The following TRAPPC6B variants were observed in gnomAD, a reference collection of about 807,000 sequenced individuals.
The protein encoded by TRAPPC6B is TRAPP complex subunit 6B.
Under a neutral mutation model 24.7 loss-of-function variants are expected in TRAPPC6B, and 27 were observed. The observed-to-expected ratio is 1.09, with a 90% CI of 0.81 to 1.51. The LOEUF (loss-of-function observed/expected upper bound fraction) is 1.51. TRAPPC6B is among the 40% of genes most tolerant of loss of function. The pLI, the probability that TRAPPC6B is intolerant of heterozygous loss-of-function variation, is 0.00. For missense variants in TRAPPC6B, 212 were observed against 190.8 expected (o/e 1.11, Z -0.66); for synonymous variants, 80 against 66.6 (o/e 1.20, Z -0.98).
At chr14:39,167,866 C>T (rs1594547044) in intron 1 of TRAPPC6B, among the ~76,000 whole-genome samples, 1 of 132,240 alleles carries the variant, frequency 7.6e-6, no homozygotes, top group Admixed American at 7.6e-5. Flanking sequence ...AGGATTAACC[C>T]ACGGGAAAAA....
Position 39,150,208 on chromosome 14 carries a change from T to G in TRAPPC6B, c.*142A>C. 1 of 714,738 alleles carries G rather than the reference T, an allele frequency of 1.4e-6. No homozygotes were observed. Among genetic ancestry groups the G allele is most frequent in the South Asian group, 1.8e-5 (1 of 55,094 alleles). The allele number at this position is 714,738 out of a possible 1,614,324, so 44.3% of individuals were successfully genotyped here. Reference sequence around the variant, plus strand: ...ATGGCAGAATGTCCCTTCATCTCCTTTGATCTGTGTTAAATTGATAAAAAT... The same window carrying G: ...ATGGCAGAATGTCCCTTCATCTCCTGTGATCTGTGTTAAATTGATAAAAAT... On this transcript the variant is annotated 3_prime_UTR_variant, in exon 6 of 6. Coordinates refer to ENST00000330149, the MANE Select transcript of TRAPPC6B (RefSeq NM_001079537.2).
intron 3 of TRAPPC6B, among the ~76,000 whole-genome samples, chr14:39,155,193 G>A (rs1435321967): frequency 6.6e-6 from 1 of 151,824 alleles, no homozygotes; most frequent in Non-Finnish European, 1.5e-5. Context: ...GCCTCCCAAA[G>A]TGCTGAAATT....
intron 1 of TRAPPC6B, among the ~76,000 whole-genome samples, chr14:39,167,709 T>C (rs925527894): frequency 4.0e-5 from 6 of 151,762 alleles, no homozygotes; most frequent in South Asian, 2.1e-4. Context: ...CTTTCAATTT[T>C]CCCCCCCATC....
chr14:39,151,414 T>C (rs1424618759), intron 5 of TRAPPC6B, among the ~76,000 whole-genome samples: 1 of 96,550 alleles, frequency 1.0e-5, no homozygotes, highest in African/African-American at 4.1e-5. Context: ...AAAAAAAAAA[T>C]AGCATTTTCA....
chr14:39,151,912 T>C (rs907711363), intron 4 of TRAPPC6B, 73 bp from the exon 5 acceptor site: 24 of 1,006,426 alleles, frequency 2.4e-5, no homozygotes, highest in Middle Eastern at 4.8e-4. Context: ...AATACAACAT[T>C]ACATGATTTA....
chr14:39,165,454 C>T (rs2053098730), intron 1 of TRAPPC6B, among the ~76,000 whole-genome samples: 1 of 152,118 alleles, frequency 6.6e-6, no homozygotes, highest in Non-Finnish European at 1.5e-5. Flanking sequence ...TATTACTGTA[C>T]GTATCACTAT....
chr14:39,156,870 G>A (rs1171340340), intron 3 of TRAPPC6B: 1 of 152,776 alleles, frequency 6.5e-6, no homozygotes, highest in Non-Finnish European at 1.5e-5. Flanking sequence ...CAGCACATTG[G>A]GAGGCCGAGA....
At chr14:39,168,212 A>G (rs2053127259) in intron 1 of TRAPPC6B, among the ~76,000 whole-genome samples, 1 of 102,502 alleles carries the variant, frequency 9.8e-6, no homozygotes. Flanking sequence ...ACAAAACTCC[A>G]TCTAAAAAAA....
chr14:39,168,393 G>C (rs1435696450), intron 1 of TRAPPC6B, among the ~76,000 whole-genome samples: 1 of 152,068 alleles, frequency 6.6e-6, no homozygotes, highest in African/African-American at 2.4e-5. Flanking sequence ...AGTAAACCTT[G>C]AGGTCAATAA....
At chr14:39,168,215 TAA>T (rs5808024) in intron 1 of TRAPPC6B, among the ~76,000 whole-genome samples, 13,154 of 124,764 alleles carry the variant, frequency 0.11, 806 homozygotes, top group East Asian at 0.34. Flanking sequence ...AAACTCCATC[TAA>T]AAAAAAAAAA....
chr14:39,154,407 C>G (rs2052952248), intron 3 of TRAPPC6B, 113 bp from the exon 4 acceptor site: 1 of 681,046 alleles, frequency 1.5e-6, no homozygotes, highest in African/African-American at 1.8e-5. Flanking sequence ...AAGTCTCCTT[C>G]CCATTGGCCA....
At chr14:39,158,886 CATT>C (rs1191049935) in intron 2 of TRAPPC6B, 1 of 152,594 alleles carries the variant, frequency 6.6e-6, no homozygotes, top group Non-Finnish European at 1.5e-5. Context: ...AATGGATTCA[CATT>C]ATGTTATATA....
At chr14:39,151,669 C>A in intron 5 of TRAPPC6B, 77 bp downstream of exon 5, 1 of 1,055,148 alleles carries the variant, frequency 9.5e-7, no homozygotes, top group Non-Finnish European at 1.4e-6. Context: ...TAAATTTCCT[C>A]TCAGTTAAAT....
At chr14:39,168,902 C>T (rs891563522) in intron 1 of TRAPPC6B, among the ~76,000 whole-genome samples, 6 of 152,174 alleles carry the variant, frequency 3.9e-5, no homozygotes, top group South Asian at 2.1e-4. Flanking sequence ...TGCAAATGGT[C>T]CACATCATTC....
rs1440593352 is a variant in TRAPPC6B, at chr14:39,148,238, C to T, written c.*2112G>A. ...AAGCAGAAGAGGGATGCTGGCAAAT[C>T]CCTAACTTGTATCAATTGTTAAGAG... On this transcript the variant is annotated 3_prime_UTR_variant, in exon 6 of 6. Transcript: ENST00000330149. 6.3e-6 allele frequency: 1 copy of T among 157,482 alleles called. No individual in the cohort carries two copies. Among genetic ancestry groups the T allele is most frequent in the African/African-American group, 2.4e-5 (1 of 41,742 alleles). The allele number at this position is 157,482 out of a possible 1,614,324, so 9.8% of individuals were successfully genotyped here.
chr14:39,169,934 G>A, intron 1 of TRAPPC6B, 81 bp downstream of exon 1: 2 of 1,436,686 alleles, frequency 1.4e-6, no homozygotes, highest in Admixed American at 1.7e-5. Flanking sequence ...GTGGCGATGG[G>A]ACAGGGGTTG....
chr14:39,169,424 T>G (rs4143954), intron 1 of TRAPPC6B, among the ~76,000 whole-genome samples: 33,065 of 152,148 alleles, frequency 0.22, 4,050 homozygotes, highest in Middle Eastern at 0.36. Context: ...ATTGTTTCAT[T>G]CACTACTATA....
chr14:39,151,618 A>G (rs957063907), intron 5 of TRAPPC6B, 128 bp downstream of exon 5: 5 of 656,928 alleles, frequency 7.6e-6, no homozygotes, highest in Non-Finnish European at 1.0e-5. Context: ...ACTACACTAA[A>G]GTGTTACATT....
intron 1 of TRAPPC6B, among the ~76,000 whole-genome samples, chr14:39,167,223 A>G (rs976426285): frequency 6.6e-6 from 1 of 152,216 alleles, no homozygotes; most frequent in East Asian, 1.9e-4. Context: ...TTCACCATAA[A>G]TTGAGAAATG....
Sources: gnomAD v4.1 joint callset for allele counts (sites outside exome capture counted in the v4.1 genomes callset) on GRCh38, gnomAD v4.1.1 for gene constraint, MANE v1.5 for transcripts, NCBI Gene and HGNC (gene_info 2026-07-23, HGNC 2026-07-21) for gene names.